The following PRICKLE1 variants were observed in gnomAD, a reference collection of about 807,000 sequenced individuals.
PRICKLE1 encodes prickle-like protein 1.
In PRICKLE1, 14 loss-of-function variants were observed where a neutral mutation model predicts 70.2. That is an observed-to-expected ratio of 0.20 (90% CI 0.13 to 0.31). The LOEUF (loss-of-function observed/expected upper bound fraction) is 0.31. Ranked by LOEUF, PRICKLE1 falls within the 10% of genes least tolerant of loss-of-function variation. The pLI is 1.00. For missense variants in PRICKLE1, 821 were observed against 1,026.2 expected (o/e 0.80, Z 2.73); for synonymous variants, 357 against 379.9 (o/e 0.94, Z 0.70).
At chr12:42,493,078 A>C (rs754262697) in intron 1 of PRICKLE1, among the ~76,000 whole-genome samples, 48 of 152,208 alleles carry the variant, frequency 3.2e-4, no homozygotes, top group Non-Finnish European at 5.6e-4. Flanking sequence ...AAAGTGAGTC[A>C]ACTCATTAGA....
At chr12:42,470,901 G>A (rs1938295852) in intron 2 of PRICKLE1, among the ~76,000 whole-genome samples, 1 of 147,518 alleles carries the variant, frequency 6.8e-6, no homozygotes, top group Non-Finnish European at 1.5e-5. Context: ...GCAAGAATCC[G>A]TCTCAAAAAA....
At chr12:42,485,775 T>C (rs974149587) in intron 1 of PRICKLE1, among the ~76,000 whole-genome samples, 1 of 152,230 alleles carries the variant, frequency 6.6e-6, no homozygotes, top group African/African-American at 2.4e-5. Flanking sequence ...ATAGCAGCAC[T>C]TATCACTATT....
chr12:42,552,974 C>T (rs150111235), intron 1 of PRICKLE1, among the ~76,000 whole-genome samples: 102 of 152,260 alleles, frequency 6.7e-4, no homozygotes, highest in East Asian at 5.4e-3. Flanking sequence ...AATGCTGCAG[C>T]TGATCTGACA....
At chr12:42,494,098 A>G (rs1939152844) in intron 1 of PRICKLE1, among the ~76,000 whole-genome samples, 2 of 152,178 alleles carry the variant, frequency 1.3e-5, no homozygotes, top group Admixed American at 6.5e-5. Flanking sequence ...CTTAATTAAA[A>G]ATATCTTACT....
At chr12:42,492,702 C>A (rs1939127865) in intron 1 of PRICKLE1, among the ~76,000 whole-genome samples, 1 of 152,222 alleles carries the variant, frequency 6.6e-6, no homozygotes, top group African/African-American at 2.4e-5. Context: ...TCACACGCAG[C>A]TCTAGTAAGT....
At chr12:42,558,037 G>A (rs781426433) in intron 1 of PRICKLE1, among the ~76,000 whole-genome samples, 2 of 152,116 alleles carry the variant, frequency 1.3e-5, no homozygotes, top group East Asian at 1.9e-4. Flanking sequence ...TCAGGCTTCC[G>A]AGTAAGTCAG....
rs150550386 is a variant in PRICKLE1 at position 42,457,532 on chromosome 12, T to A, written c.*2277A>T. The stretch of plus-strand genomic sequence containing the variant: ...TTACATTAATGTAAATCAGGAGAAT[T>A]TCTTTTGGAGGAAAATTGGCAATAT... On this transcript the variant is annotated 3_prime_UTR_variant, in exon 8 of 8. Coordinates refer to ENST00000345127, the MANE Select transcript of PRICKLE1 (RefSeq NM_153026.3). 5 of 152,310 alleles carry A rather than the reference T, an allele frequency of 3.3e-5. No homozygotes were observed. The East Asian group carries it at 9.7e-4, about 29-fold the overall frequency. 9.4% of individuals were successfully genotyped at this position (152,310 alleles called of 1,614,324 possible).
At chr12:42,478,380 A>T (rs1416626338) in intron 1 of PRICKLE1, among the ~76,000 whole-genome samples, 1 of 152,220 alleles carries the variant, frequency 6.6e-6, no homozygotes, top group Non-Finnish European at 1.5e-5. Flanking sequence ...GAATGTAAAT[A>T]AACCTCATAA....
At chr12:42,528,913 T>C (rs1175513344) in intron 1 of PRICKLE1, among the ~76,000 whole-genome samples, 1 of 152,244 alleles carries the variant, frequency 6.6e-6, no homozygotes, top group African/African-American at 2.4e-5. Context: ...ATAATCCTTG[T>C]AGCACCTCAA....
intron 1 of PRICKLE1, among the ~76,000 whole-genome samples, chr12:42,509,166 T>A (rs1939469921): frequency 2.6e-5 from 4 of 152,218 alleles, no homozygotes; most frequent in Non-Finnish European, 5.9e-5. Flanking sequence ...AAGGACTTTT[T>A]GTCTCCGTGG....
intron 1 of PRICKLE1, among the ~76,000 whole-genome samples, chr12:42,579,651 C>T (rs183769782): frequency 6.6e-6 from 1 of 152,120 alleles, no homozygotes; most frequent in Admixed American, 6.5e-5. Flanking sequence ...GAAGAAGGTG[C>T]TAAAGCTAGC....
intron 1 of PRICKLE1, among the ~76,000 whole-genome samples, chr12:42,504,387 C>T (rs552212893): frequency 6.6e-6 from 1 of 152,308 alleles, no homozygotes; most frequent in African/African-American, 2.4e-5. Context: ...ATACCTGCCT[C>T]CAAAAAGCAC....
chr12:42,461,588 A>G (rs4768411), intron 7 of PRICKLE1, among the ~76,000 whole-genome samples: 92,506 of 152,070 alleles, frequency 0.61, 28,286 homozygotes, highest in Admixed American at 0.67. Flanking sequence ...CATTATAGAA[A>G]AGGTTTGCTC....
rs1445032094 is a variant in PRICKLE1 at position 42,565,258 on chromosome 12, TC to T, written c.-49+24206del. 2.0e-5 allele frequency among the ~76,000 whole-genome samples: 3 copies of T among 152,194 alleles called. No individual in the cohort carries two copies. In the East Asian group the frequency reaches 5.8e-4, roughly 29 times the overall value. On this transcript the variant is annotated intron_variant, in intron 1 of 7. Transcript: ENST00000345127. The stretch of plus-strand genomic sequence containing the variant: ...GCTCTGGAAGTTTTAAAACAGGGGT[TC>T]CTCAAAGTCTAGTCAGCCCAGGTGA...
chr12:42,501,380 C>T (rs544727499), intron 1 of PRICKLE1, among the ~76,000 whole-genome samples: 13 of 151,800 alleles, frequency 8.6e-5, no homozygotes, highest in African/African-American at 2.4e-4. Flanking sequence ...CATGGAGGCG[C>T]GTGCCTGTAG....
At chr12:42,463,472 C>T (rs887529302) in intron 7 of PRICKLE1, 1 of 152,018 alleles carries the variant, frequency 6.6e-6, no homozygotes, top group Admixed American at 6.5e-5. Flanking sequence ...ATAATCCCAG[C>T]ACTTTGGGAG....
Position 42,504,725 on chromosome 12 carries a change from C to T in PRICKLE1, c.-48-32161G>A, listed in dbSNP as rs184316362. 4.6e-5 allele frequency among the ~76,000 whole-genome samples: 7 copies of T among 152,272 alleles called. 1 individual carries two copies. The East Asian group carries it at 9.6e-4, about 21-fold the overall frequency. On this transcript the variant is annotated intron_variant, in intron 1 of 7. Coordinates refer to ENST00000345127, the MANE Select transcript of PRICKLE1 (RefSeq NM_153026.3). The stretch of plus-strand genomic sequence containing the variant: ...ATGGCTATAATTCAGAAATGGAAAA[C>T]CCCCGGACATTTAGACAGCATTCTT...
chr12:42,547,811 G>T (rs1053422532), intron 1 of PRICKLE1, among the ~76,000 whole-genome samples: 4 of 152,118 alleles, frequency 2.6e-5, no homozygotes, highest in African/African-American at 9.7e-5. Context: ...CACATTCATA[G>T]TACAGGTTAA....
chr12:42,475,866 G>C (rs1208905295), intron 1 of PRICKLE1, among the ~76,000 whole-genome samples: 1 of 151,846 alleles, frequency 6.6e-6, no homozygotes, highest in Non-Finnish European at 1.5e-5. Flanking sequence ...GCTGGGGGGG[G>C]GCGGGGGCAG....
Sources: allele counts gnomAD v4.1 joint callset (sites outside exome capture counted in the v4.1 genomes callset), GRCh38; gene constraint gnomAD v4.1.1; transcripts MANE v1.5; gene names NCBI Gene and HGNC (gene_info 2026-07-23, HGNC 2026-07-21).